The following NR1H4 variants were observed in gnomAD, a reference collection of about 807,000 sequenced individuals.
The protein encoded by NR1H4 is nuclear receptor subfamily 1 group H member 4.
NR1H4 carries 23 observed loss-of-function variants against 58.5 expected under a neutral mutation model. That is an observed-to-expected ratio of 0.39 (90% CI 0.28 to 0.56). The LOEUF (loss-of-function observed/expected upper bound fraction) is 0.56, where lower values mean the gene tolerates loss of function less well. Ranked by LOEUF, NR1H4 falls within the 20% of genes least tolerant of loss-of-function variation. The pLI is 0.58. For missense variants in NR1H4, 487 were observed against 576.9 expected, an observed-to-expected ratio of 0.84 and a Z score of 1.60; for synonymous variants, 214 against 198.0, an observed-to-expected ratio of 1.08 and a Z score of -0.68.
chr12:100,545,389 C>G (rs948634993), intron 9 of NR1H4, among the ~76,000 whole-genome samples: 3 of 151,956 alleles, frequency 2.0e-5, no homozygotes, highest in African/African-American at 7.3e-5. Flanking sequence ...CCTACAATCC[C>G]AGCACTTTGG....
At chr12:100,532,389 A>G (rs1954714182) in intron 4 of NR1H4, 69 bp from the exon 5 acceptor site, 4 of 1,551,516 alleles carry the variant, frequency 2.6e-6, no homozygotes, top group Non-Finnish European at 3.6e-6. Flanking sequence ...GCATCTCTCA[A>G]TCCAAACCTG....
chr12:100,485,542 T>A (rs1042194689), intron 1 of NR1H4, among the ~76,000 whole-genome samples: 12 of 152,172 alleles, frequency 7.9e-5, no homozygotes, highest in African/African-American at 2.9e-4. Flanking sequence ...ATTTTATTTT[T>A]TAATTTTTTT....
intron 9 of NR1H4, among the ~76,000 whole-genome samples, chr12:100,541,674 C>T (rs1282627411): frequency 6.6e-6 from 1 of 151,256 alleles, no homozygotes; most frequent in African/African-American, 2.4e-5. Context: ...GCTCTTGGCT[C>T]ACCAGTTTCC....
rs77418256 is a variant in NR1H4, at chr12:100,532,941, A to C, written c.598+331A>C. ...TTTCCTCTAAATTTGATTTTAATATACTTATTATTTATTGCTTAATTAGCA... is the reference window on the plus strand; with the variant it reads ...TTTCCTCTAAATTTGATTTTAATATCCTTATTATTTATTGCTTAATTAGCA... On this transcript the variant is annotated intron_variant, in intron 5 of 10. Transcript: ENST00000392986. Among the ~76,000 whole-genome samples the C allele has an allele frequency of 5.1e-3, 782 of 152,290 alleles. 5 individuals carry two copies. The highest frequency in any genetic ancestry group is 0.017 in the African/African-American group (708 of 41,552).
intron 5 of NR1H4, among the ~76,000 whole-genome samples, chr12:100,534,302 TG>T (rs1401077489): frequency 2.0e-5 from 3 of 152,260 alleles, no homozygotes; most frequent in Non-Finnish European, 4.4e-5. Flanking sequence ...TCTCAGGAAT[TG>T]GCACTGTTCT....
intron 1 of NR1H4, among the ~76,000 whole-genome samples, chr12:100,475,092 A>G (rs191774033): frequency 3.5e-4 from 52 of 150,704 alleles, no homozygotes; most frequent in Non-Finnish European, 6.5e-4. Context: ...TAAAGCTTTT[A>G]TATGTCAGTC....
chr12:100,542,542 AT>A (rs1335818938), intron 9 of NR1H4, among the ~76,000 whole-genome samples: 1 of 152,136 alleles, frequency 6.6e-6, no homozygotes, highest in Non-Finnish European at 1.5e-5. Flanking sequence ...ATGAGTTCTT[AT>A]TTTCCCGAGA....
intron 9 of NR1H4, among the ~76,000 whole-genome samples, chr12:100,549,020 G>A (rs1356449455): frequency 6.6e-6 from 1 of 152,020 alleles, no homozygotes; most frequent in Non-Finnish European, 1.5e-5. Flanking sequence ...TCTTGGTCCA[G>A]TATGGCTCCC....
At chr12:100,534,560 T>A (rs1420623407) in intron 5 of NR1H4, among the ~76,000 whole-genome samples, 1 of 152,222 alleles carries the variant, frequency 6.6e-6, no homozygotes, top group Non-Finnish European at 1.5e-5. Context: ...TGCTTTCATA[T>A]CACAAGTTCT....
At chr12:100,484,295 G>A (rs1781325886) in intron 1 of NR1H4, among the ~76,000 whole-genome samples, 1 of 152,140 alleles carries the variant, frequency 6.6e-6, no homozygotes. Flanking sequence ...AATTGCAGCA[G>A]TGTCTTTCCA....
intron 3 of NR1H4, among the ~76,000 whole-genome samples, chr12:100,504,026 T>A (rs1384833354): frequency 6.6e-6 from 1 of 151,862 alleles, no homozygotes; most frequent in African/African-American, 2.4e-5. Context: ...ACGAGGGATA[T>A]GAGATAAAAT....
At chr12:100,516,244 T>C (rs2136178761) in intron 4 of NR1H4, among the ~76,000 whole-genome samples, 1 of 152,322 alleles carries the variant, frequency 6.6e-6, no homozygotes, top group African/African-American at 2.4e-5. Flanking sequence ...ATCTAAGTCA[T>C]GTTTCCTGCT....
intron 9 of NR1H4, among the ~76,000 whole-genome samples, chr12:100,545,671 C>CAAAAAAAAA (rs1491301660): frequency 7.7e-4 from 41 of 53,308 alleles, no homozygotes; most frequent in African/African-American, 3.5e-3. Context: ...AAAAAAAAAC[C>CAAAAAAAAA]AAACGGGGGG....
intron 3 of NR1H4, among the ~76,000 whole-genome samples, chr12:100,506,259 A>G (rs1953963316): frequency 6.6e-6 from 1 of 152,180 alleles, no homozygotes; most frequent in Admixed American, 6.5e-5. Flanking sequence ...ACCGTATTTT[A>G]CACTCAGAAC....
chr12:100,561,621 T>G (rs1198264436), intron 9 of NR1H4, among the ~76,000 whole-genome samples: 1 of 152,234 alleles, frequency 6.6e-6, no homozygotes, highest in Non-Finnish European at 1.5e-5. Context: ...TCATTGATTA[T>G]TAGTAGTGAC....
intron 3 of NR1H4, 129 bp downstream of exon 3, chr12:100,493,531 C>T: frequency 1.5e-6 from 1 of 656,288 alleles, no homozygotes. Context: ...AGTACTCAAT[C>T]AATGTTAGCT....
chr12:100,562,061 T>C, intron 10 of NR1H4, 63 bp downstream of exon 10: 1 of 810,026 alleles, frequency 1.2e-6, no homozygotes, highest in Non-Finnish European at 2.1e-6. Context: ...TAATAACGTT[T>C]ATTGAAAAAA....
In NR1H4 at chr12:100,496,187, G is replaced by A. The variant is rs529681487; in HGVS notation, c.79+2785G>A. On this transcript the variant is annotated intron_variant, in intron 3 of 10. Transcript: ENST00000392986. ...GAATAGGACAGGCAAGATCCTAGTA[G>A]AAAGCAAACTCACAATAAACTTGTA... is the stretch of plus-strand genomic sequence containing the variant. Among the ~76,000 whole-genome samples the A allele has an allele frequency of 1.8e-4, 27 of 152,220 alleles. No individual in the cohort carries two copies. The South Asian group carries it at 3.7e-3, about 21-fold the overall frequency.
chr12:100,540,456 G>A lies in NR1H4; in HGVS notation c.932-216G>A, dbSNP rs117360080. On this transcript the variant is annotated intron_variant, in intron 8 of 10. Transcript: ENST00000392986. The stretch of plus-strand genomic sequence containing the variant: ...ATGCCATAATATATGTATCTACTTG[G>A]ACTTGACATCTCCCTTTGCCCAGCT... Among the ~76,000 whole-genome samples the A allele has an allele frequency of 1.6e-3, 251 of 152,188 alleles. 4 individuals carry two copies. The highest frequency in any genetic ancestry group is 0.013 in the East Asian group (67 of 5,186).
Sources: allele counts gnomAD v4.1 joint callset (sites outside exome capture counted in the v4.1 genomes callset), GRCh38; gene constraint gnomAD v4.1.1; transcripts MANE v1.5; gene names NCBI Gene and HGNC (gene_info 2026-07-23, HGNC 2026-07-21).